Variants in LRBA observed in about 807,000 individuals in gnomAD.
The protein encoded by LRBA is LPS responsive beige-like anchor protein.
A neutral mutation model predicts 330.0 loss-of-function variants in LRBA; 176 were observed. That is an observed-to-expected ratio of 0.53 (90% confidence interval 0.47 to 0.60). The LOEUF (loss-of-function observed/expected upper bound fraction) is 0.60. Ranked by LOEUF, LRBA falls within the 20% of genes least tolerant of loss-of-function variation. The pLI, the probability that LRBA is intolerant of heterozygous loss-of-function variation, is 0.00. For synonymous variants in LRBA, 1,230 were observed against 1,193.0 expected (o/e 1.03, Z -0.64); for missense variants, 3,259 against 3,444.8 (o/e 0.95, Z 1.35).
intron 44 of LRBA, among the ~76,000 whole-genome samples, chr4:150,464,327 AT>A (rs950986530): frequency 6.6e-6 from 1 of 152,080 alleles, no homozygotes; most frequent in African/African-American, 2.4e-5. Context: ...CAAAAATGAT[AT>A]TTTTACTTTT....
intron 37 of LRBA, among the ~76,000 whole-genome samples, chr4:150,619,175 A>G (rs1776066895): frequency 6.6e-6 from 1 of 152,220 alleles, no homozygotes. Context: ...CACTTCTCAT[A>G]TCAGGATGAA....
chr4:150,605,884 CAAACAA>C (rs1392012732), intron 37 of LRBA, among the ~76,000 whole-genome samples: 1 of 152,082 alleles, frequency 6.6e-6, no homozygotes, highest in Non-Finnish European at 1.5e-5. Flanking sequence ...ATGAAAAGGA[CAAACAA>C]AAACAAAAAC....
intron 48 of LRBA, among the ~76,000 whole-genome samples, chr4:150,329,082 C>T (rs1167319396): frequency 1.3e-5 from 2 of 152,034 alleles, no homozygotes; most frequent in Non-Finnish European, 2.9e-5. Flanking sequence ...TTTTAAATCA[C>T]GTAATATAGT....
chr4:150,525,975 G>A (rs1763428230), intron 40 of LRBA, among the ~76,000 whole-genome samples: 1 of 152,018 alleles, frequency 6.6e-6, no homozygotes, highest in African/African-American at 2.4e-5. Flanking sequence ...CTCACAGGGT[G>A]TAATTACCTT....
At chr4:150,488,977 T>A (rs1351059233) in intron 41 of LRBA, among the ~76,000 whole-genome samples, 1 of 124,260 alleles carries the variant, frequency 8.0e-6, no homozygotes, top group Non-Finnish European at 1.6e-5. Flanking sequence ...TATATAAGAA[T>A]ATATAACATA....
chr4:150,490,713 A>G (rs759803892), intron 41 of LRBA, among the ~76,000 whole-genome samples: 9 of 151,942 alleles, frequency 5.9e-5, no homozygotes, highest in Non-Finnish European at 1.3e-4. Flanking sequence ...TATGGCAAAA[A>G]AAAGAAAAGA....
chr4:150,569,484 G>A (rs920266059), intron 40 of LRBA, among the ~76,000 whole-genome samples: 4 of 152,062 alleles, frequency 2.6e-5, no homozygotes, highest in Non-Finnish European at 5.9e-5. Context: ...TTCAGCTTGC[G>A]TAAGTCACAA....
At chr4:150,276,558 C>A (rs1239004264) in intron 56 of LRBA, among the ~76,000 whole-genome samples, 2 of 152,084 alleles carry the variant, frequency 1.3e-5, no homozygotes, top group Non-Finnish European at 2.9e-5. Context: ...CCAGAATCTA[C>A]AAAGAACTTA....
chr4:150,413,042 G>T (rs1747236183), intron 47 of LRBA, among the ~76,000 whole-genome samples: 1 of 151,486 alleles, frequency 6.6e-6, no homozygotes, highest in Non-Finnish European at 1.5e-5. Flanking sequence ...TTAAAAACAG[G>T]CAAAATATTT....
intron 2 of LRBA, among the ~76,000 whole-genome samples, chr4:150,980,362 T>TA (rs1740696208): frequency 6.6e-6 from 1 of 152,202 alleles, no homozygotes; most frequent in South Asian, 2.1e-4. Flanking sequence ...CAACCACAGA[T>TA]AGTATCATAC....
chr4:150,733,555 G>GTC (rs753439894), intron 36 of LRBA, among the ~76,000 whole-genome samples: 103 of 148,314 alleles, frequency 6.9e-4, no homozygotes, highest in African/African-American at 1.0e-3. Flanking sequence ...GACTGATTCT[G>GTC]TCTCTCTCTC....
At chr4:150,637,670 C>T (rs181130887) in intron 37 of LRBA, among the ~76,000 whole-genome samples, 18 of 152,252 alleles carry the variant, frequency 1.2e-4, no homozygotes, top group Admixed American at 3.3e-4. Context: ...AGTCCAAGAG[C>T]CCTCAAAGGA....
In LRBA at chr4:150,310,443, G is replaced by A. The variant is rs1267975673; in HGVS notation, c.7694-59C>T. 2.5e-6 allele frequency: 3 copies of A among 1,188,350 alleles called. No homozygotes were observed. In the African/African-American group the frequency reaches 4.5e-5, roughly 18 times the overall value. 73.6% of individuals were successfully genotyped at this position (1,188,350 alleles called of 1,614,324 possible). A position where few individuals can be genotyped will look rare whatever the true frequency, so the allele number is the denominator to read the frequency against. ...TCCACATGGGCAAAGAAATTCTATAGTGAGGGAGAAGAGGAGACACATTCC... is the reference window on the plus strand; with the variant it reads ...TCCACATGGGCAAAGAAATTCTATAATGAGGGAGAAGAGGAGACACATTCC... On this transcript the variant is annotated intron_variant, in intron 51 of 56. Coordinates refer to ENST00000651943, the MANE Select transcript of LRBA (RefSeq NM_001364905.1).
chr4:150,917,058 CAGG>C (rs1257307488), intron 5 of LRBA, among the ~76,000 whole-genome samples: 1 of 151,920 alleles, frequency 6.6e-6, no homozygotes, highest in Non-Finnish European at 1.5e-5. Context: ...GAGGCTGAGA[CAGG>C]AGAACGGCGT....
chr4:150,723,236 T>A (rs981188041), intron 36 of LRBA, among the ~76,000 whole-genome samples: 1 of 152,128 alleles, frequency 6.6e-6, no homozygotes, highest in Non-Finnish European at 1.5e-5. Flanking sequence ...GCTAAGGAAG[T>A]GCTTGCATTA....
intron 35 of LRBA, among the ~76,000 whole-genome samples, chr4:150,755,230 C>A (rs1734134304): frequency 1.3e-5 from 2 of 152,128 alleles, no homozygotes; most frequent in Non-Finnish European, 2.9e-5. Context: ...TGAAGACAGA[C>A]CAGTGTATTA....
At chr4:150,664,920 C>A (rs1781442499) in intron 37 of LRBA, among the ~76,000 whole-genome samples, 1 of 152,096 alleles carries the variant, frequency 6.6e-6, no homozygotes, top group African/African-American at 2.4e-5. Context: ...TGAGTTTTGA[C>A]AAACACATAC....
intron 40 of LRBA, among the ~76,000 whole-genome samples, chr4:150,527,946 A>G (rs1308727271): frequency 1.3e-5 from 2 of 152,212 alleles, no homozygotes; most frequent in African/African-American, 2.4e-5. Flanking sequence ...GAAATCCAGC[A>G]ATGATTTCCC....
chr4:150,916,698 T>C lies in LRBA; in HGVS notation c.686A>G (p.Asn229Ser), dbSNP rs1732630666. 6.3e-7 allele frequency: 1 copy of C among 1,596,658 alleles called. No individual in the cohort carries two copies. Among genetic ancestry groups the C allele is most frequent in the South Asian group, 1.2e-5 (1 of 86,710 alleles). Reference sequence around the variant, plus strand: ...AAGCCATGTATGAAATGTAAAACCATTCTGGTATGGCCATTTGGCTATAGG... The same window carrying C: ...AAGCCATGTATGAAATGTAAAACCACTCTGGTATGGCCATTTGGCTATAGG... ...LPPIAKWPYQ[N>S]GFTFHTWLRM... The change falls in exon 6 of 57, where the codon AAT (asparagine) becomes AGT (serine). Residue 229 changes from asparagine (N) to serine (S), a missense_variant. By Grantham distance (46) the Asn-to-Ser change is conservative. Transcript: ENST00000651943.
Sources: allele counts gnomAD v4.1 joint callset (sites outside exome capture counted in the v4.1 genomes callset), GRCh38; gene constraint gnomAD v4.1.1; transcripts MANE v1.5; gene names NCBI Gene and HGNC (gene_info 2026-07-23, HGNC 2026-07-21).